Variants in C5orf24 observed in about 807,000 individuals in gnomAD.
The protein encoded by C5orf24 is UPF0461 protein C5orf24.
A neutral mutation model predicts 9.8 loss-of-function variants in C5orf24; 4 were observed. That is an observed-to-expected ratio of 0.41 (90% CI 0.20 to 0.93). The LOEUF is 0.93. Among genes scored for constraint, C5orf24 ranks in the 40% least tolerant of loss-of-function variants. The probability of loss-of-function intolerance (pLI) is 0.33; values close to 1 mark genes in which losing one functional copy is unlikely to be tolerated. For missense variants in C5orf24, 170 were observed against 236.9 expected (o/e 0.72, Z 1.85); for synonymous variants, 73 against 81.3 (o/e 0.90, Z 0.55).
rs1756336969 is a variant in C5orf24, at chr5:134,857,171, C to T, written c.*1704C>T. ...TCAGACTTGAAAAAATTCCACTTAA[C>T]TTTAAAGTTACAATGTTTGTATTTG... On this transcript the variant is annotated 3_prime_UTR_variant, in exon 2 of 2. Coordinates refer to ENST00000394976, the MANE Select transcript of C5orf24 (RefSeq NM_001135586.1). 2 of 1,283,832 alleles carry T rather than the reference C, an allele frequency of 1.6e-6. No homozygotes were observed. The highest frequency in any genetic ancestry group is 2.0e-6 in the Non-Finnish European group (2 of 1,002,116). 79.5% of individuals were successfully genotyped at this position (1,283,832 alleles called of 1,614,324 possible). A position where few individuals can be genotyped will look rare whatever the true frequency, so the allele number is the denominator to read the frequency against.
At chr5:134,843,539 C>A (rs919667471), upstream of C5orf24, among the ~76,000 whole-genome samples, 7 of 151,968 alleles carry the variant, frequency 4.6e-5, no homozygotes, top group South Asian at 1.2e-3. Context: ...GCGATCCTCC[C>A]GCCTCAGCCT....
chr5:134,839,971 C>G, the C5orf24 span, among the ~76,000 whole-genome samples: 1 of 152,128 alleles, frequency 6.6e-6, no homozygotes, highest in Non-Finnish European at 1.5e-5. Context: ...GCTGGGATTG[C>G]AGGCGTGAGC....
At position 134,850,064 on chromosome 5, in the gene C5orf24, A is replaced by G. The variant is rs113706129; in HGVS notation, c.-4+3852A>G. Among the ~76,000 whole-genome samples the G allele has an allele frequency of 8.4e-3, 1,272 of 152,298 alleles. 18 individuals are homozygous for G. Among genetic ancestry groups the G allele is most frequent in the African/African-American group, 0.028 (1,160 of 41,574 alleles). On this transcript the variant is annotated intron_variant, in intron 1 of 1. Transcript: ENST00000394976. ...AGTTGGCCCTCAATAAATGTGAGTTATGTCAGAACTAAATTTACATAATAC... is the reference window on the plus strand; with the variant it reads ...AGTTGGCCCTCAATAAATGTGAGTTGTGTCAGAACTAAATTTACATAATAC...
intron 1 of C5orf24, among the ~76,000 whole-genome samples, chr5:134,848,306 A>G (rs550115797): frequency 2.0e-5 from 3 of 150,916 alleles, no homozygotes; most frequent in South Asian, 2.1e-4. Context: ...GCAAGACTCC[A>G]TATCAAAACA....
chr5:134,853,901 T>C (rs1447449201), intron 1 of C5orf24, among the ~76,000 whole-genome samples: 2 of 152,078 alleles, frequency 1.3e-5, no homozygotes. Flanking sequence ...ACCAACATGG[T>C]GAAACCCTGT....
At chr5:134,847,449 C>T (rs531751396) in intron 1 of C5orf24, among the ~76,000 whole-genome samples, 2 of 152,214 alleles carry the variant, frequency 1.3e-5, no homozygotes, top group Non-Finnish European at 2.9e-5. Flanking sequence ...GCATGCGCCA[C>T]CACACCCAGC....
the C5orf24 span, among the ~76,000 whole-genome samples, chr5:134,839,054 C>G: frequency 2.6e-5 from 4 of 151,972 alleles, no homozygotes; most frequent in Non-Finnish European, 4.4e-5. Context: ...ACAAAACATA[C>G]AAAAATTGGC....
At chr5:134,839,430 A>C in the C5orf24 span, among the ~76,000 whole-genome samples, 3 of 152,316 alleles carry the variant, frequency 2.0e-5, no homozygotes, top group Admixed American at 1.3e-4. Context: ...AGTAAGTGGC[A>C]GACCTGGCAT....
the C5orf24 span, among the ~76,000 whole-genome samples, chr5:134,838,559 A>G: frequency 2.0e-5 from 3 of 151,986 alleles, no homozygotes; most frequent in Admixed American, 2.0e-4. Flanking sequence ...AATCCCAGCT[A>G]CTCGGGAGGC....
upstream of C5orf24, among the ~76,000 whole-genome samples, chr5:134,843,796 C>T (rs1013901867): frequency 3.9e-5 from 6 of 152,212 alleles, no homozygotes; most frequent in African/African-American, 1.4e-4. Context: ...TTCAGGGGAT[C>T]CACCCGCCTT....
rs1029212555 is a variant in C5orf24, at chr5:134,859,194, C to A, written c.*3727C>A. 4.8e-5 allele frequency: 8 copies of A among 166,928 alleles called. No individual in the cohort carries two copies. The highest frequency in any genetic ancestry group is 1.9e-4 in the African/African-American group (8 of 41,424). 10.3% of individuals were successfully genotyped at this position (166,928 alleles called of 1,614,324 possible). A position where few individuals can be genotyped will look rare whatever the true frequency, so the allele number is the denominator to read the frequency against. On this transcript the variant is annotated 3_prime_UTR_variant, in exon 2 of 2. Coordinates refer to ENST00000394976, the MANE Select transcript of C5orf24 (RefSeq NM_001135586.1). ...ACTGCTACTCTGTCGGTCATTGTCTCTATATGCAGTAAAATTTTATGGTCC... is the reference window on the plus strand; with the variant it reads ...ACTGCTACTCTGTCGGTCATTGTCTATATATGCAGTAAAATTTTATGGTCC...
chr5:134,857,664 G>T lies in C5orf24; in HGVS notation c.*2197G>T, dbSNP rs938550327. 1 of 350,718 alleles carries T rather than the reference G, an allele frequency of 2.9e-6. No individual in the cohort carries two copies. Among genetic ancestry groups the T allele is most frequent in the African/African-American group, 2.1e-5 (1 of 47,400 alleles). 21.7% of individuals were successfully genotyped at this position (350,718 alleles called of 1,614,324 possible). A position where few individuals can be genotyped will look rare whatever the true frequency, so the allele number is the denominator to read the frequency against. On this transcript the variant is annotated 3_prime_UTR_variant, in exon 2 of 2. Coordinates refer to ENST00000394976, the MANE Select transcript of C5orf24 (RefSeq NM_001135586.1). ...TAACTTCTGACACACACAAATGCTT[G>T]CCTCTTTATTCATATGTTCGTTACC...
chr5:134,833,797 T>A, the C5orf24 span, among the ~76,000 whole-genome samples: 1,092 of 152,316 alleles, frequency 7.2e-3, 5 homozygotes, highest in Middle Eastern at 0.041. Flanking sequence ...AAAGTGCCTT[T>A]TGGTTTAGCT....
chr5:134,842,106 A>G (rs1035920861), upstream of C5orf24, among the ~76,000 whole-genome samples: 1 of 152,132 alleles, frequency 6.6e-6, no homozygotes, highest in Non-Finnish European at 1.5e-5. Context: ...ATTGGTCACT[A>G]TTTCTCTCAT....
intron 1 of C5orf24, among the ~76,000 whole-genome samples, chr5:134,848,418 A>T (rs1279914024): frequency 6.6e-6 from 1 of 151,900 alleles, no homozygotes; most frequent in Non-Finnish European, 1.5e-5. Flanking sequence ...GCACTTTGGG[A>T]GGCCAAGGCA....
the C5orf24 span, among the ~76,000 whole-genome samples, chr5:134,834,913 A>G: frequency 6.6e-6 from 1 of 152,132 alleles, no homozygotes; most frequent in African/African-American, 2.4e-5. Flanking sequence ...GTGTAGTGGC[A>G]TGTGCCTGTA....
At chr5:134,836,392 C>T in the C5orf24 span, among the ~76,000 whole-genome samples, 6 of 152,002 alleles carry the variant, frequency 3.9e-5, no homozygotes, top group African/African-American at 7.2e-5. Context: ...AGGCTGGTCT[C>T]GAACTCCTGA....
At position 134,852,050 on chromosome 5, in the gene C5orf24, C is replaced by T. The variant is rs187221409; in HGVS notation, c.-3-2848C>T. Among the ~76,000 whole-genome samples the T allele has an allele frequency of 2.1e-3, 324 of 152,368 alleles. 2 individuals carry two copies. Among genetic ancestry groups the T allele is most frequent in the African/African-American group, 7.4e-3 (309 of 41,574 alleles). On this transcript the variant is annotated intron_variant, in intron 1 of 1. Coordinates refer to ENST00000394976, the MANE Select transcript of C5orf24 (RefSeq NM_001135586.1). ...CTGCCTCCCGGGTTCAACCAATTCT[C>T]CTGCCTCAGCCTCCTGAGTAGCTGG...
At chr5:134,836,321 G>A in the C5orf24 span, among the ~76,000 whole-genome samples, 3 of 151,668 alleles carry the variant, frequency 2.0e-5, no homozygotes, top group African/African-American at 4.8e-5. Context: ...ACAAGTGCCC[G>A]CCACCACACC....
Sources: gnomAD v4.1 joint callset for allele counts (sites outside exome capture counted in the v4.1 genomes callset) on GRCh38, gnomAD v4.1.1 for gene constraint, MANE v1.5 for transcripts, NCBI Gene and HGNC (gene_info 2026-07-23, HGNC 2026-07-21) for gene names.